The following RALA variants were observed in gnomAD, a reference collection of about 807,000 sequenced individuals.
RALA encodes RAS like proto-oncogene A.
In RALA, 5 loss-of-function variants were observed where a neutral mutation model predicts 24.0. The ratio of observed to expected loss-of-function variants is 0.21; its 90% CI spans 0.11 to 0.44. The LOEUF is 0.44. Ranked by LOEUF, RALA falls within the 20% of genes least tolerant of loss-of-function variation. RALA has a pLI of 0.99. For missense variants in RALA, 95 were observed against 241.2 expected (o/e 0.39, Z 4.01); for synonymous variants, 77 against 83.8 (o/e 0.92, Z 0.44).
chr7:39,681,330 TTTTTTG>T, intron 1 of RALA, among the ~76,000 whole-genome samples: 1 of 125,600 alleles, frequency 8.0e-6, no homozygotes, highest in African/African-American at 3.1e-5. Flanking sequence ...TTTTTTTTTT[TTTTTTG>T]AGACAGAGTC....
intron 4 of RALA, among the ~76,000 whole-genome samples, chr7:39,705,701 T>C (rs1040303719): frequency 1.2e-4 from 18 of 151,872 alleles, no homozygotes; most frequent in Non-Finnish European, 2.5e-4. Context: ...AACCAAGTTA[T>C]GAAATATAAT....
chr7:39,642,435 A>G (rs964461154), intron 1 of RALA, among the ~76,000 whole-genome samples: 2 of 152,150 alleles, frequency 1.3e-5, no homozygotes, highest in African/African-American at 4.8e-5. Context: ...TTTATATCCT[A>G]TATCCTGCCT....
rs528316496 is a variant in RALA at position 39,680,901 on chromosome 7, G to A, written c.-37-5730G>A. 1.1e-4 allele frequency among the ~76,000 whole-genome samples: 16 copies of A among 152,100 alleles called. No individual in the cohort carries two copies. In the South Asian group the frequency reaches 3.1e-3, roughly 30 times the overall value. On this transcript the variant is annotated intron_variant, in intron 1 of 4. Coordinates refer to ENST00000005257, the MANE Select transcript of RALA (RefSeq NM_005402.4). ...CTTGCTTTTGAATTCCGGCTCCCTC[G>A]CAAAATTATCTGTGGTTATATTTCA... is the stretch of plus-strand genomic sequence containing the variant.
intron 1 of RALA, among the ~76,000 whole-genome samples, chr7:39,659,928 G>T (rs1259856783): frequency 6.6e-6 from 1 of 152,160 alleles, no homozygotes; most frequent in Non-Finnish European, 1.5e-5. Flanking sequence ...TCAAAAAATA[G>T]TAATAAAAGG....
intron 1 of RALA, among the ~76,000 whole-genome samples, chr7:39,669,548 A>T (rs1347712259): frequency 2.6e-5 from 4 of 152,150 alleles, no homozygotes; most frequent in Non-Finnish European, 5.9e-5. Context: ...ACGGTGGCTT[A>T]TGCCTATAAT....
chr7:39,690,798 G>A (rs1015446021), intron 3 of RALA, among the ~76,000 whole-genome samples: 4 of 152,040 alleles, frequency 2.6e-5, no homozygotes, highest in African/African-American at 4.8e-5. Context: ...CAGCTCTCCC[G>A]GTGTCACCTG....
intron 3 of RALA, among the ~76,000 whole-genome samples, chr7:39,693,787 A>G (rs114912556): frequency 3.2e-3 from 491 of 152,338 alleles, no homozygotes; most frequent in African/African-American, 0.011. Flanking sequence ...TGTACGTCTT[A>G]GCCTGCATCA....
At chr7:39,644,915 A>G (rs1255022195) in intron 1 of RALA, among the ~76,000 whole-genome samples, 1 of 152,204 alleles carries the variant, frequency 6.6e-6, no homozygotes, top group Non-Finnish European at 1.5e-5. Flanking sequence ...TAGGTACTTC[A>G]TTTTAAAAAG....
At chr7:39,647,142 G>A (rs575152591) in intron 1 of RALA, among the ~76,000 whole-genome samples, 6 of 152,106 alleles carry the variant, frequency 3.9e-5, no homozygotes, top group East Asian at 1.9e-4. Flanking sequence ...TCCCGGGCTC[G>A]AGCAATCCTC....
intron 3 of RALA, among the ~76,000 whole-genome samples, chr7:39,695,231 G>T (rs540902861): frequency 6.6e-6 from 1 of 152,216 alleles, no homozygotes; most frequent in African/African-American, 2.4e-5. Context: ...GACATTCATG[G>T]ATAGTCAAGT....
At chr7:39,647,802 C>G (rs575479373) in intron 1 of RALA, among the ~76,000 whole-genome samples, 1 of 152,118 alleles carries the variant, frequency 6.6e-6, no homozygotes. Context: ...CACCAGACAC[C>G]GAATGTGCTG....
At chr7:39,682,540 T>C (rs772039767) in intron 1 of RALA, among the ~76,000 whole-genome samples, 3 of 152,382 alleles carry the variant, frequency 2.0e-5, no homozygotes, top group Non-Finnish European at 2.9e-5. Context: ...CAAGGCTTTT[T>C]GTGATTTGGC....
chr7:39,674,041 GTAAA>G lies in RALA; in HGVS notation c.-37-12545_-37-12542del, dbSNP rs72097023. 4.5e-3 allele frequency among the ~76,000 whole-genome samples: 222 copies of G among 48,896 alleles called. 4 individuals are homozygous for G. Among genetic ancestry groups the G allele is most frequent in the East Asian group, 0.045 (69 of 1,534 alleles). The allele number at this position is 48,896 out of a possible 152,430, so 32.1% of individuals were successfully genotyped here. Reference sequence around the variant, plus strand: ...TTACCTGGGACTACAGGCATGCACTGTAAATAAATAAATAAATAAATAAATAAAT... The same window carrying G: ...TTACCTGGGACTACAGGCATGCACTGTAAATAAATAAATAAATAAATAAAT... On this transcript the variant is annotated intron_variant, in intron 1 of 4. Coordinates refer to ENST00000005257, the MANE Select transcript of RALA (RefSeq NM_005402.4).
chr7:39,633,495 C>G (rs1205652017), intron 1 of RALA, among the ~76,000 whole-genome samples: 2 of 152,192 alleles, frequency 1.3e-5, no homozygotes, highest in African/African-American at 4.8e-5. Flanking sequence ...CTCGTGAGAA[C>G]TCACTGTCAC....
chr7:39,701,665 T>G (rs1013906674), intron 4 of RALA, among the ~76,000 whole-genome samples: 2 of 152,248 alleles, frequency 1.3e-5, no homozygotes, highest in African/African-American at 2.4e-5. Context: ...ACAGAACAAA[T>G]GCTAGCTCTC....
At chr7:39,639,902 A>T (rs1339632612) in intron 1 of RALA, among the ~76,000 whole-genome samples, 2 of 152,064 alleles carry the variant, frequency 1.3e-5, no homozygotes, top group African/African-American at 4.8e-5. Context: ...ACATCTTTGC[A>T]ATATGGGTTT....
intron 1 of RALA, among the ~76,000 whole-genome samples, chr7:39,636,043 C>G (rs1010662696): frequency 5.9e-5 from 9 of 152,228 alleles, no homozygotes; most frequent in African/African-American, 2.2e-4. Flanking sequence ...GGCAATACTT[C>G]ATTTGTTCTA....
intron 4 of RALA, among the ~76,000 whole-genome samples, chr7:39,699,118 GTTATTTTTT>G (rs1792970729): frequency 2.4e-5 from 2 of 84,140 alleles, no homozygotes; most frequent in Middle Eastern, 6.6e-3. Context: ...TGCTAAAAAT[GTTATTTTTT>G]TTTTTTTTTT....
intron 4 of RALA, among the ~76,000 whole-genome samples, chr7:39,705,678 A>G (rs1195034942): frequency 1.3e-5 from 2 of 152,088 alleles, no homozygotes; most frequent in Non-Finnish European, 2.9e-5. Context: ...ATTTCTAAAA[A>G]TGGAACTGAG....
Sources: gnomAD v4.1 joint callset for allele counts (sites outside exome capture counted in the v4.1 genomes callset) on GRCh38, gnomAD v4.1.1 for gene constraint, MANE v1.5 for transcripts, NCBI Gene and HGNC (gene_info 2026-07-23, HGNC 2026-07-21) for gene names.